The following FBXL20 variants were observed in gnomAD, a reference collection of about 807,000 sequenced individuals.
FBXL20 encodes F-box and leucine rich repeat protein 20.
FBXL20 carries 11 observed loss-of-function variants against 64.0 expected under a neutral mutation model. The observed-to-expected ratio is 0.17, with a 90% CI of 0.11 to 0.28. The LOEUF is 0.28. FBXL20 is among the 10% of genes least tolerant of loss of function. The pLI is 1.00. For missense variants in FBXL20, 303 were observed against 526.2 expected, an observed-to-expected ratio of 0.58 and a Z score of 4.15; for synonymous variants, 184 against 189.0, an observed-to-expected ratio of 0.97 and a Z score of 0.22.
At chr17:39,349,142 C>T (rs1265915334) in intron 1 of FBXL20, among the ~76,000 whole-genome samples, 1 of 151,740 alleles carries the variant, frequency 6.6e-6, no homozygotes, top group African/African-American at 2.4e-5. Flanking sequence ...ATCCCAGCTA[C>T]TTGGGAGGCT....
chr17:39,386,289 A>T (rs1226889257), intron 1 of FBXL20, among the ~76,000 whole-genome samples: 2 of 147,864 alleles, frequency 1.4e-5, no homozygotes, highest in East Asian at 2.0e-4. Flanking sequence ...CCTGGGTGAC[A>T]GAGCAAGACT....
Position 39,398,047 on chromosome 17 carries a change from G to C in FBXL20, c.42+3314C>G, listed in dbSNP as rs1025399882. Among the ~76,000 whole-genome samples the C allele has an allele frequency of 2.5e-4, 11 of 44,842 alleles. 1 individual carries two copies. The highest frequency in any genetic ancestry group is 4.7e-4 in the African/African-American group (5 of 10,688). 29.4% of individuals were successfully genotyped at this position (44,842 alleles called of 152,430 possible). On this transcript the variant is annotated intron_variant, in intron 1 of 14. Transcript: ENST00000264658. ...CTTTGGGAGGCCGGCGGGCGGGGGG[G>C]GGGGGGGGGTTGGATCACGAGGTCA...
At chr17:39,329,543 T>G (rs919118742) in intron 2 of FBXL20, among the ~76,000 whole-genome samples, 12 of 152,208 alleles carry the variant, frequency 7.9e-5, no homozygotes, top group African/African-American at 2.7e-4. Context: ...CCAATGCTCG[T>G]TATCTTCACT....
At chr17:39,322,106 A>G (rs368305293) in intron 2 of FBXL20, among the ~76,000 whole-genome samples, 14 of 148,412 alleles carry the variant, frequency 9.4e-5, no homozygotes, top group East Asian at 6.0e-4. Flanking sequence ...CAGGAGGATC[A>G]CTTGAGGGTA....
intron 1 of FBXL20, among the ~76,000 whole-genome samples, chr17:39,389,951 G>C (rs1353879535): frequency 6.6e-6 from 1 of 152,174 alleles, no homozygotes; most frequent in Non-Finnish European, 1.5e-5. Context: ...TTAAAAGCTT[G>C]CTGATCCAGT....
chr17:39,267,435 C>T (rs1382579375), intron 12 of FBXL20, among the ~76,000 whole-genome samples: 1 of 152,188 alleles, frequency 6.6e-6, no homozygotes, highest in Non-Finnish European at 1.5e-5. Flanking sequence ...GACGATAGTG[C>T]TTGCTGGACT....
intron 1 of FBXL20, among the ~76,000 whole-genome samples, chr17:39,349,344 A>G (rs1241972112): frequency 6.7e-6 from 1 of 149,540 alleles, no homozygotes; most frequent in Non-Finnish European, 1.5e-5. Flanking sequence ...AAAAAAAAAA[A>G]AAAAAAAAGG....
chr17:39,320,758 C>A (rs761284772), intron 2 of FBXL20, among the ~76,000 whole-genome samples: 8 of 151,976 alleles, frequency 5.3e-5, no homozygotes, highest in Non-Finnish European at 1.0e-4. Context: ...CCATATCTGG[C>A]TAATTTTTGT....
rs1164683000 is a variant in FBXL20, at chr17:39,255,403, C to T, written c.*6057G>A. 5 of 152,142 alleles carry T rather than the reference C, an allele frequency of 3.3e-5. No individual in the cohort carries two copies. The highest frequency in any genetic ancestry group is 3.3e-4 in the Admixed American group (5 of 15,262). The allele number at this position is 152,142 out of a possible 1,614,324, so 9.4% of individuals were successfully genotyped here. A position where few individuals can be genotyped will look rare whatever the true frequency, so the allele number is the denominator to read the frequency against. On this transcript the variant is annotated 3_prime_UTR_variant, in exon 15 of 15. Transcript: ENST00000264658. Reference sequence around the variant, plus strand: ...AGTGAGCCGAGATCACGCCACTGCACTCCAGCCTGGGAAACAGAGCGAGAC... The same window carrying T: ...AGTGAGCCGAGATCACGCCACTGCATTCCAGCCTGGGAAACAGAGCGAGAC...
At chr17:39,361,542 A>G (rs150895299) in intron 1 of FBXL20, among the ~76,000 whole-genome samples, 3 of 152,306 alleles carry the variant, frequency 2.0e-5, no homozygotes, top group Non-Finnish European at 4.4e-5. Flanking sequence ...TTATGCCTGT[A>G]ATCCCAGCAC....
chr17:39,340,442 C>CT (rs1222059318), intron 2 of FBXL20, among the ~76,000 whole-genome samples: 3 of 152,092 alleles, frequency 2.0e-5, no homozygotes, highest in Non-Finnish European at 4.4e-5. Context: ...GTTGGCCAGG[C>CT]TGGTCTCCAA....
intron 1 of FBXL20, among the ~76,000 whole-genome samples, chr17:39,360,807 C>T (rs1386653312): frequency 1.3e-5 from 2 of 152,150 alleles, no homozygotes; most frequent in African/African-American, 2.4e-5. Flanking sequence ...CATATACCAC[C>T]CCAGGAACTC....
chr17:39,322,330 T>G (rs1431777257), intron 2 of FBXL20, among the ~76,000 whole-genome samples: 1 of 149,448 alleles, frequency 6.7e-6, no homozygotes, highest in South Asian at 2.1e-4. Context: ...GTTTTACAAT[T>G]AAATAAATTC....
At chr17:39,397,483 C>A (rs1326589124) in intron 1 of FBXL20, among the ~76,000 whole-genome samples, 1 of 151,976 alleles carries the variant, frequency 6.6e-6, no homozygotes, top group Non-Finnish European at 1.5e-5. Context: ...TTTTAATAAA[C>A]CCATTAAGAC....
Position 39,270,861 on chromosome 17 carries a change from T to TAA in FBXL20, c.828-7_828-6dup, listed in dbSNP as rs11307198. The stretch of plus-strand genomic sequence containing the variant: ...CATCTTGCCACTTCCAATATTCTGT[T>TAA]AAAAAAAAAAAAAAAACAGTGAAAG... On this transcript the variant is annotated splice_polypyrimidine_tract_variant and splice_region_variant and intron_variant, in intron 10 of 14. Coordinates refer to ENST00000264658, the MANE Select transcript of FBXL20 (RefSeq NM_032875.3). The TAA allele has an allele frequency of 3.8e-4, 514 of 1,354,128 alleles. No homozygotes were observed. Among genetic ancestry groups the TAA allele is most frequent in the African/African-American group, 3.3e-3 (221 of 66,174 alleles). 83.9% of individuals were successfully genotyped at this position (1,354,128 alleles called of 1,614,324 possible).
chr17:39,362,449 G>A (rs780442387), intron 1 of FBXL20, among the ~76,000 whole-genome samples: 8 of 151,088 alleles, frequency 5.3e-5, no homozygotes, highest in African/African-American at 7.3e-5. Context: ...TCAGCCTCCC[G>A]GGTAGCTGGG....
At chr17:39,344,327 A>C (rs975149529) in intron 1 of FBXL20, among the ~76,000 whole-genome samples, 2 of 150,814 alleles carry the variant, frequency 1.3e-5, no homozygotes, top group African/African-American at 4.9e-5. Flanking sequence ...CTCCAGCCTC[A>C]GCGAGACAGT....
chr17:39,370,774 G>A (rs1377615458), intron 1 of FBXL20, among the ~76,000 whole-genome samples: 11 of 146,244 alleles, frequency 7.5e-5, no homozygotes, highest in Non-Finnish European at 9.0e-5. Flanking sequence ...CAGCCTGGGC[G>A]ACAGAGCGAG....
intron 2 of FBXL20, among the ~76,000 whole-genome samples, chr17:39,312,027 T>G (rs974687344): frequency 6.6e-6 from 1 of 152,158 alleles, no homozygotes; most frequent in African/African-American, 2.4e-5. Flanking sequence ...TATTAAGATG[T>G]CATTGAGTTA....
Sources: allele counts gnomAD v4.1 joint callset (sites outside exome capture counted in the v4.1 genomes callset), GRCh38; gene constraint gnomAD v4.1.1; transcripts MANE v1.5; gene names NCBI Gene and HGNC (gene_info 2026-07-23, HGNC 2026-07-21).